The following PSME4 variants were observed in gnomAD, a reference collection of about 807,000 sequenced individuals.
PSME4 encodes the protein proteasome activator complex subunit 4.
Under a neutral mutation model 253.9 loss-of-function variants are expected in PSME4, and 89 were observed. The ratio of observed to expected loss-of-function variants is 0.35; its 90% CI spans 0.30 to 0.42. The LOEUF (loss-of-function observed/expected upper bound fraction) is 0.42, where lower values mean the gene tolerates loss of function less well. PSME4 is among the 10% of genes least tolerant of loss of function. PSME4 has a pLI of 1.00. For missense variants in PSME4, 2,014 were observed against 2,195.2 expected, an observed-to-expected ratio of 0.92 and a Z score of 1.65; for synonymous variants, 851 against 759.2, an observed-to-expected ratio of 1.12 and a Z score of -1.99.
chr2:53,893,561 C>T lies in PSME4; in HGVS notation c.4038+113G>A, dbSNP rs558318557. ...TACATGTTCAGTGTAAATTCCAGTG[C>T]CATTTTAGATCAAGGCAGATGGCTA... On this transcript the variant is annotated intron_variant, in intron 35 of 46. Transcript: ENST00000404125. 102 of 1,537,180 alleles carry T rather than the reference C, an allele frequency of 6.6e-5. No homozygotes were observed. The African/African-American group carries it at 1.3e-3, about 19-fold the overall frequency.
At chr2:53,956,152 A>G (rs1056705432) in intron 1 of PSME4, among the ~76,000 whole-genome samples, 2 of 152,132 alleles carry the variant, frequency 1.3e-5, no homozygotes, top group African/African-American at 4.8e-5. Context: ...AAAACAAAAC[A>G]AAACAAAAAA....
intron 3 of PSME4, among the ~76,000 whole-genome samples, chr2:53,941,275 T>C (rs1429967910): frequency 6.8e-6 from 1 of 146,888 alleles, no homozygotes; most frequent in Non-Finnish European, 1.5e-5. Flanking sequence ...GCAACTAGAT[T>C]ACAACACATG....
chr2:53,904,753 C>T (rs940120239), intron 26 of PSME4, among the ~76,000 whole-genome samples: 4 of 152,018 alleles, frequency 2.6e-5, no homozygotes, highest in African/African-American at 9.7e-5. Context: ...CTTTGGGAGG[C>T]TGAGGTGGGT....
At chr2:53,943,124 A>G (rs1669530034) in intron 3 of PSME4, among the ~76,000 whole-genome samples, 1 of 152,270 alleles carries the variant, frequency 6.6e-6, no homozygotes, top group Non-Finnish European at 1.5e-5. Context: ...AAAGTATAGC[A>G]AATGATATAT....
At chr2:53,965,672 T>TG (rs546129669) in intron 1 of PSME4, among the ~76,000 whole-genome samples, 75 of 149,856 alleles carry the variant, frequency 5.0e-4, no homozygotes, top group African/African-American at 1.7e-3. Context: ...GTTTTTTTGT[T>TG]TTTTTTTTTT....
chr2:53,957,088 G>A (rs532108042), intron 1 of PSME4, among the ~76,000 whole-genome samples: 4 of 152,198 alleles, frequency 2.6e-5, no homozygotes, highest in South Asian at 2.1e-4. Context: ...AAATGAAGGG[G>A]AACAATTAAG....
chr2:53,970,466 G>C, intron 1 of PSME4, 77 bp downstream of exon 1: 17 of 1,542,326 alleles, frequency 1.1e-5, no homozygotes, highest in Non-Finnish European at 1.5e-5. Flanking sequence ...CAGCCCTCTG[G>C]ACAAAGAGCA....
intron 10 of PSME4, among the ~76,000 whole-genome samples, chr2:53,929,206 G>T (rs1399640414): frequency 6.6e-6 from 1 of 151,814 alleles, no homozygotes; most frequent in African/African-American, 2.4e-5. Flanking sequence ...GATCCTGCAT[G>T]ATTTCAGCCA....
At chr2:53,872,323 C>G (rs759877638) in intron 43 of PSME4, among the ~76,000 whole-genome samples, 4 of 152,078 alleles carry the variant, frequency 2.6e-5, no homozygotes, top group African/African-American at 7.2e-5. Context: ...TTAAACAGTT[C>G]TCATTTAGAT....
chr2:53,921,737 G>A (rs1293815215), intron 17 of PSME4, among the ~76,000 whole-genome samples: 10 of 139,980 alleles, frequency 7.1e-5, no homozygotes, highest in African/African-American at 1.0e-4. Flanking sequence ...GCGTAGTGGC[G>A]GGCGCCTGTA....
At chr2:53,940,824 A>T (rs1669357129) in intron 3 of PSME4, among the ~76,000 whole-genome samples, 2 of 145,016 alleles carry the variant, frequency 1.4e-5, no homozygotes, top group African/African-American at 5.0e-5. Flanking sequence ...ACAAGTAAAA[A>T]TAAAATTCCC....
intron 1 of PSME4, among the ~76,000 whole-genome samples, chr2:53,954,283 T>A (rs1444693986): frequency 2.0e-5 from 3 of 151,002 alleles, no homozygotes; most frequent in Non-Finnish European, 4.4e-5. Flanking sequence ...AGCCAAGATC[T>A]CGCTGCTGCA....
Position 53,970,806 on chromosome 2 carries a change from A to G in PSME4, c.-22T>C, listed in dbSNP as rs546633951. On this transcript the variant is annotated 5_prime_UTR_variant, in exon 1 of 47. Coordinates refer to ENST00000404125, the MANE Select transcript of PSME4 (RefSeq NM_014614.3). ...CCATGAGCCCAGGGACACCCCCCCC[A>G]CCCCCTCCCACCCGAACCCTCCCCG... 2 of 587,348 alleles carry G rather than the reference A, an allele frequency of 3.4e-6. No individual in the cohort carries two copies. Among genetic ancestry groups the G allele is most frequent in the Non-Finnish European group, 4.9e-6 (2 of 410,598 alleles). The allele number at this position is 587,348 out of a possible 1,614,324, so 36.4% of individuals were successfully genotyped here.
At chr2:53,961,652 TG>T (rs769236397) in intron 1 of PSME4, among the ~76,000 whole-genome samples, 10 of 152,108 alleles carry the variant, frequency 6.6e-5, no homozygotes, top group Non-Finnish European at 1.3e-4. Context: ...CACTCCAACC[TG>T]GGCGACAGAG....
At chr2:53,943,288 C>A (rs1306865166) in intron 3 of PSME4, among the ~76,000 whole-genome samples, 1 of 152,126 alleles carries the variant, frequency 6.6e-6, no homozygotes, top group Non-Finnish European at 1.5e-5. Flanking sequence ...TATATATCTG[C>A]CTTCATCCCT....
At chr2:53,867,709 A>G (rs1678640070) in intron 44 of PSME4, among the ~76,000 whole-genome samples, 1 of 150,312 alleles carries the variant, frequency 6.7e-6, no homozygotes. Context: ...AAAGACTTCC[A>G]TAGTTGCTTA....
At chr2:53,966,020 C>T (rs1383644849) in intron 1 of PSME4, among the ~76,000 whole-genome samples, 4 of 152,268 alleles carry the variant, frequency 2.6e-5, no homozygotes, top group African/African-American at 7.2e-5. Flanking sequence ...TGGTGACTCA[C>T]GCCTGTAATC....
At chr2:53,870,129 G>A (rs1267501048) in intron 43 of PSME4, 1 of 152,136 alleles carries the variant, frequency 6.6e-6, no homozygotes. Flanking sequence ...AAAAGACATT[G>A]TTTCACATAT....
chr2:53,931,794 G>C, intron 10 of PSME4, 41 bp downstream of exon 10: 1 of 1,601,992 alleles, frequency 6.2e-7, no homozygotes, highest in Non-Finnish European at 8.5e-7. Flanking sequence ...CAGACCAAAA[G>C]AAAAACCTAG....
Sources: gnomAD v4.1 joint callset for allele counts (sites outside exome capture counted in the v4.1 genomes callset) on GRCh38, gnomAD v4.1.1 for gene constraint, MANE v1.5 for transcripts, NCBI Gene and HGNC (gene_info 2026-07-23, HGNC 2026-07-21) for gene names.